The following CSMD1 variants were observed in gnomAD, a reference collection of about 807,000 sequenced individuals.
CSMD1 encodes CUB and Sushi multiple domains 1, also known as CUB and sushi domain-containing protein 1.
CSMD1 carries 213 observed loss-of-function variants against 417.5 expected under a neutral mutation model. That is an observed-to-expected ratio of 0.51 (90% CI 0.46 to 0.57). The LOEUF (loss-of-function observed/expected upper bound fraction) is 0.57. CSMD1 is among the 20% of genes least tolerant of loss of function. The pLI is 0.00. For synonymous variants in CSMD1, 2,862 were observed against 1,736.8 expected (o/e 1.65, Z -16.11); for missense variants, 6,923 against 4,529.7 (o/e 1.53, Z -15.17).
intron 5 of CSMD1, among the ~76,000 whole-genome samples, chr8:3,882,530 G>A (rs771923288): frequency 2.0e-5 from 3 of 152,164 alleles, no homozygotes; most frequent in South Asian, 2.1e-4. Flanking sequence ...TGCATACACT[G>A]TGAGTGGACG....
intron 5 of CSMD1, among the ~76,000 whole-genome samples, chr8:3,805,264 G>A (rs192463387): frequency 7.9e-5 from 12 of 152,150 alleles, no homozygotes; most frequent in Non-Finnish European, 1.5e-4. Context: ...ATTTCTCCTA[G>A]GGCATCAGCA....
chr8:3,525,211 G>A (rs1398781271), intron 10 of CSMD1, among the ~76,000 whole-genome samples: 1 of 152,130 alleles, frequency 6.6e-6, no homozygotes, highest in Non-Finnish European at 1.5e-5. Context: ...AATCATTCAG[G>A]ATTTGACCTT....
chr8:4,465,838 G>C (rs752283825), intron 2 of CSMD1, among the ~76,000 whole-genome samples: 7 of 152,156 alleles, frequency 4.6e-5, no homozygotes, highest in Non-Finnish European at 1.0e-4. Context: ...AGTATCTCAA[G>C]CCACACATTC....
intron 5 of CSMD1, among the ~76,000 whole-genome samples, chr8:3,766,614 C>G (rs188470507): frequency 1.7e-3 from 255 of 151,958 alleles, no homozygotes; most frequent in African/African-American, 6.0e-3. Flanking sequence ...ACACAGAGAT[C>G]TCTATAATAA....
At chr8:3,645,211 T>C (rs780988444) in intron 7 of CSMD1, among the ~76,000 whole-genome samples, 1 of 152,088 alleles carries the variant, frequency 6.6e-6, no homozygotes, top group Non-Finnish European at 1.5e-5. Context: ...AAGAAACCAA[T>C]GCACAGTCCA....
At chr8:3,291,212 C>G (rs541719739) in intron 25 of CSMD1, among the ~76,000 whole-genome samples, 34 of 152,234 alleles carry the variant, frequency 2.2e-4, no homozygotes, top group African/African-American at 7.5e-4. Context: ...TGATGTATTG[C>G]TGGATTCCAT....
chr8:3,966,751 A>G (rs954769088), intron 5 of CSMD1, among the ~76,000 whole-genome samples: 9 of 101,622 alleles, frequency 8.9e-5, no homozygotes, highest in African/African-American at 3.2e-4. Flanking sequence ...ACACACACAC[A>G]CACGCGCGCG....
At chr8:4,576,819 TAAAAC>T (rs142197956) in intron 2 of CSMD1, among the ~76,000 whole-genome samples, 29,679 of 152,002 alleles carry the variant, frequency 0.2, 2,958 homozygotes, top group African/African-American at 0.22. Context: ...TATTAATACT[TAAAAC>T]AAACTATTTT....
intron 3 of CSMD1, among the ~76,000 whole-genome samples, chr8:4,088,390 T>G (rs1563107947): frequency 6.6e-6 from 1 of 152,244 alleles, no homozygotes; most frequent in Non-Finnish European, 1.5e-5. Flanking sequence ...AAGAGCTTTG[T>G]CGGTAACACC....
At chr8:3,298,835 A>T (rs62504381) in intron 25 of CSMD1, among the ~76,000 whole-genome samples, 22,434 of 152,196 alleles carry the variant, frequency 0.15, 1,718 homozygotes, top group Admixed American at 0.2. Context: ...AGACAATTTG[A>T]ATAGAGCTCA....
At chr8:4,413,221 A>G (rs1327246199) in intron 3 of CSMD1, among the ~76,000 whole-genome samples, 1 of 152,188 alleles carries the variant, frequency 6.6e-6, no homozygotes, top group Non-Finnish European at 1.5e-5. Flanking sequence ...GTTGACTGCA[A>G]CCATCAGGGT....
At chr8:3,627,738 G>A (rs185686529) in intron 7 of CSMD1, among the ~76,000 whole-genome samples, 27 of 152,214 alleles carry the variant, frequency 1.8e-4, no homozygotes, top group African/African-American at 6.3e-4. Context: ...CTTTAGGAGG[G>A]AATTATTACT....
At chr8:4,179,812 A>C (rs1057395512) in intron 3 of CSMD1, among the ~76,000 whole-genome samples, 18 of 152,182 alleles carry the variant, frequency 1.2e-4, no homozygotes, top group Admixed American at 2.0e-4. Context: ...ATGCAGCCAA[A>C]AGACACATGA....
chr8:4,426,742 A>G (rs1320698764), intron 2 of CSMD1, among the ~76,000 whole-genome samples: 1 of 147,748 alleles, frequency 6.8e-6, no homozygotes, highest in Non-Finnish European at 1.5e-5. Context: ...TTATTATACA[A>G]TATAGTAATA....
chr8:4,027,918 A>C (rs185046124), intron 4 of CSMD1, among the ~76,000 whole-genome samples: 1 of 152,294 alleles, frequency 6.6e-6, no homozygotes. Flanking sequence ...GTGAGAATGT[A>C]ATGGAAATAA....
At position 3,108,576 on chromosome 8, in the gene CSMD1, T is replaced by C. The variant is rs751947280; in HGVS notation, c.6754+27A>G. On this transcript the variant is annotated intron_variant, in intron 44 of 69. Coordinates refer to ENST00000635120, the MANE Select transcript of CSMD1 (RefSeq NM_033225.6). ...AAACACCACATGGAATTCTCAGTCTTAACTAACGGAGTGAAAATCAACTGA... is the reference window on the plus strand; with the variant it reads ...AAACACCACATGGAATTCTCAGTCTCAACTAACGGAGTGAAAATCAACTGA... 2.5e-6 allele frequency: 4 copies of C among 1,611,316 alleles called. No individual in the cohort carries two copies. In the South Asian group the frequency reaches 3.3e-5, roughly 13 times the overall value.
At chr8:3,629,259 G>T (rs36128374) in intron 7 of CSMD1, among the ~76,000 whole-genome samples, 27,825 of 152,002 alleles carry the variant, frequency 0.18, 2,710 homozygotes, top group Admixed American at 0.22. Context: ...AAACCATGAA[G>T]ACCCTTTCTG....
At chr8:3,718,616 T>C (rs986034491) in intron 6 of CSMD1, among the ~76,000 whole-genome samples, 9 of 152,176 alleles carry the variant, frequency 5.9e-5, no homozygotes, top group African/African-American at 1.9e-4. Context: ...AGTTATAGTA[T>C]TACATGAATC....
At chr8:3,322,080 T>C (rs1249386223) in intron 23 of CSMD1, among the ~76,000 whole-genome samples, 2 of 152,242 alleles carry the variant, frequency 1.3e-5, no homozygotes, top group Non-Finnish European at 2.9e-5. Flanking sequence ...TTTTACATAA[T>C]ATATGAAAGT....
Sources: gnomAD v4.1 joint callset for allele counts (sites outside exome capture counted in the v4.1 genomes callset) on GRCh38, gnomAD v4.1.1 for gene constraint, MANE v1.5 for transcripts, NCBI Gene and HGNC (gene_info 2026-07-23, HGNC 2026-07-21) for gene names.